The following EYS variants were observed in gnomAD, a reference collection of about 807,000 sequenced individuals.
EYS encodes EGF-like photoreceptor maintenance factor, also known as protein eyes shut homolog.
EYS carries 250 observed loss-of-function variants against 282.1 expected under a neutral mutation model. The ratio of observed to expected loss-of-function variants is 0.89; its 90% CI spans 0.80 to 0.98. The LOEUF (loss-of-function observed/expected upper bound fraction) is 0.98, where lower values mean the gene tolerates loss of function less well. Among genes scored for constraint, EYS ranks in the 50% least tolerant of loss-of-function variants. The pLI is 0.00. For missense variants in EYS, 4,016 were observed against 3,709.0 expected (o/e 1.08, Z -2.15); for synonymous variants, 1,355 against 1,282.9 (o/e 1.06, Z -1.20).
intron 12 of EYS, among the ~76,000 whole-genome samples, chr6:65,149,133 G>T (rs1477045718): frequency 6.6e-6 from 1 of 152,088 alleles, no homozygotes; most frequent in Admixed American, 6.5e-5. Context: ...TTTTACATAT[G>T]CAAATTTCTG....
chr6:64,331,172 A>G (rs548913598), intron 29 of EYS, among the ~76,000 whole-genome samples: 28 of 152,324 alleles, frequency 1.8e-4, no homozygotes, highest in African/African-American at 6.7e-4. Flanking sequence ...AAGGAAAGTC[A>G]GTAAGCATCT....
At chr6:64,000,222 C>T (rs568507228) in intron 33 of EYS, among the ~76,000 whole-genome samples, 76 of 106,136 alleles carry the variant, frequency 7.2e-4, no homozygotes, top group African/African-American at 2.3e-3. Context: ...GACAGAGTCT[C>T]GCTCTGTCGC....
chr6:65,648,901 T>C (rs1767552261), intron 1 of EYS, among the ~76,000 whole-genome samples: 1 of 151,846 alleles, frequency 6.6e-6, no homozygotes, highest in African/African-American at 2.4e-5. Context: ...TCCCAGCACT[T>C]TGGGAGGCTG....
intron 26 of EYS, among the ~76,000 whole-genome samples, chr6:64,495,191 T>A (rs1017164601): frequency 6.6e-6 from 1 of 151,728 alleles, no homozygotes; most frequent in East Asian, 1.9e-4. Flanking sequence ...ATGTGATACA[T>A]ACATGTTGGT....
intron 29 of EYS, among the ~76,000 whole-genome samples, chr6:64,335,668 C>T (rs918328705): frequency 1.3e-5 from 2 of 151,918 alleles, no homozygotes; most frequent in Non-Finnish European, 2.9e-5. Context: ...GATTGTCCCG[C>T]AACAATCAGG....
intron 40 of EYS, among the ~76,000 whole-genome samples, chr6:63,772,674 C>A (rs566625881): frequency 2.4e-4 from 36 of 152,162 alleles, no homozygotes; most frequent in African/African-American, 8.7e-4. Context: ...AAGTACAGTT[C>A]ATTTCCTAAT....
At chr6:64,688,547 T>G (rs1770246403) in intron 22 of EYS, among the ~76,000 whole-genome samples, 1 of 152,220 alleles carries the variant, frequency 6.6e-6, no homozygotes, top group Non-Finnish European at 1.5e-5. Context: ...AGTGAGTTTC[T>G]TAATCCTGAG....
At chr6:65,422,787 A>T (rs1767513792) in intron 5 of EYS, among the ~76,000 whole-genome samples, 1 of 150,478 alleles carries the variant, frequency 6.6e-6, no homozygotes, top group Non-Finnish European at 1.5e-5. Context: ...AGGACCAAAA[A>T]GCCTCTCTCT....
At chr6:64,369,859 T>C (rs1461107966) in intron 29 of EYS, among the ~76,000 whole-genome samples, 1 of 152,136 alleles carries the variant, frequency 6.6e-6, no homozygotes, top group Non-Finnish European at 1.5e-5. Flanking sequence ...GGACTGCTAC[T>C]GATTTTTGTA....
intron 26 of EYS, among the ~76,000 whole-genome samples, chr6:64,549,438 C>T (rs1764993336): frequency 6.6e-6 from 1 of 152,156 alleles, no homozygotes; most frequent in African/African-American, 2.4e-5. Context: ...TAATAATAAG[C>T]AGCCCTTCCA....
intron 35 of EYS, among the ~76,000 whole-genome samples, chr6:63,876,780 G>C (rs1268202906): frequency 1.3e-5 from 2 of 152,100 alleles, no homozygotes; most frequent in Non-Finnish European, 2.9e-5. Context: ...TCAGAGACTA[G>C]AATTGCAACC....
At chr6:65,078,002 A>T (rs16896199) in intron 12 of EYS, among the ~76,000 whole-genome samples, 25,464 of 152,090 alleles carry the variant, frequency 0.17, 2,339 homozygotes, top group Middle Eastern at 0.23. Flanking sequence ...TGCCATCAGA[A>T]TTCCTGTAAA....
intron 28 of EYS, among the ~76,000 whole-genome samples, chr6:64,412,469 T>C (rs1486340486): frequency 1.3e-5 from 2 of 152,090 alleles, no homozygotes; most frequent in African/African-American, 4.8e-5. Context: ...CAGATGAATA[T>C]TGGGGTTGGT....
chr6:65,662,442 AG>A (rs1392601703), intron 1 of EYS, among the ~76,000 whole-genome samples: 2 of 152,186 alleles, frequency 1.3e-5, no homozygotes, highest in Non-Finnish European at 2.9e-5. Context: ...TCTCTCTCAA[AG>A]GCAAGGGAGA....
intron 12 of EYS, among the ~76,000 whole-genome samples, chr6:65,080,907 C>A (rs1774215066): frequency 6.6e-6 from 1 of 151,984 alleles, no homozygotes; most frequent in African/African-American, 2.4e-5. Context: ...TGATGAACAA[C>A]CTGGTATCTT....
chr6:65,692,705 T>A (rs1249856774), intron 1 of EYS, among the ~76,000 whole-genome samples: 1 of 150,098 alleles, frequency 6.7e-6, no homozygotes, highest in Non-Finnish European at 1.5e-5. Context: ...CGACATGTAG[T>A]ATTTATAAAC....
intron 29 of EYS, among the ~76,000 whole-genome samples, chr6:64,349,797 T>A (rs140284866): frequency 1.3e-5 from 2 of 151,676 alleles, no homozygotes; most frequent in Admixed American, 1.3e-4. Flanking sequence ...CAATATTTAT[T>A]GCTAGAGCAT....
intron 1 of EYS, among the ~76,000 whole-genome samples, chr6:65,689,592 G>A (rs1769164988): frequency 6.7e-6 from 1 of 149,944 alleles, no homozygotes; most frequent in African/African-American, 2.4e-5. Context: ...ATTATTTTGA[G>A]TTGCTGTGAT....
intron 2 of EYS, among the ~76,000 whole-genome samples, chr6:65,507,588 C>T (rs1582391455): frequency 6.6e-6 from 1 of 151,860 alleles, no homozygotes; most frequent in African/African-American, 2.4e-5. Flanking sequence ...TGAAATTGTC[C>T]CACAGTACTT....
Sources: gnomAD v4.1 joint callset for allele counts (sites outside exome capture counted in the v4.1 genomes callset) on GRCh38, gnomAD v4.1.1 for gene constraint, MANE v1.5 for transcripts, NCBI Gene and HGNC (gene_info 2026-07-23, HGNC 2026-07-21) for gene names.